CDC42BPA: variants seen among roughly 807,000 people sequenced by gnomAD.
CDC42BPA encodes the protein CDC42 binding protein kinase alpha.
Under a neutral mutation model 223.5 loss-of-function variants are expected in CDC42BPA, and 80 were observed. The observed-to-expected ratio is 0.36, with a 90% confidence interval of 0.30 to 0.43. CDC42BPA has a LOEUF of 0.43. Ranked by LOEUF, CDC42BPA falls within the 20% of genes least tolerant of loss-of-function variation. The probability of loss-of-function intolerance (pLI) is 1.00; values close to 1 mark genes in which losing one functional copy is unlikely to be tolerated. For synonymous variants in CDC42BPA, 694 were observed against 718.6 expected, an observed-to-expected ratio of 0.97 and a Z score of 0.55; for missense variants, 1,743 against 2,099.9, an observed-to-expected ratio of 0.83 and a Z score of 3.32.
chr1:227,042,115 G>C (rs1034843560), intron 23 of CDC42BPA, among the ~76,000 whole-genome samples: 1 of 152,016 alleles, frequency 6.6e-6, no homozygotes, highest in African/African-American at 2.4e-5. Context: ...TTACTGGTTA[G>C]TCCTAGAGGC....
Position 226,994,721 on chromosome 1 carries a change from G to A in CDC42BPA, c.5133+102C>T, listed in dbSNP as rs575613020. 11 of 1,254,926 alleles carry A rather than the reference G, an allele frequency of 8.8e-6. No individual in the cohort carries two copies. The African/African-American group carries it at 1.3e-4, about 15-fold the overall frequency. 77.7% of individuals were successfully genotyped at this position (1,254,926 alleles called of 1,614,324 possible). On this transcript the variant is annotated intron_variant, in intron 36 of 36. Transcript: ENST00000366766. This position sits in a 1 kb window ranked among gnomAD's most constrained non-coding sequence, Gnocchi z 4.0. ...AGAGTGAATGCTGGCCCCTGACCCC[G>A]AACCCTGCTGCAGCTGAGGCCAATC...
At chr1:227,296,085 G>A (rs562159729) in intron 1 of CDC42BPA, among the ~76,000 whole-genome samples, 15 of 152,212 alleles carry the variant, frequency 9.9e-5, no homozygotes, top group Admixed American at 3.3e-4. Context: ...ACAGTTTAGA[G>A]GACTTACCCT....
At chr1:227,059,499 T>A (rs1675353038) in intron 21 of CDC42BPA, 2 of 1,173,362 alleles carry the variant, frequency 1.7e-6, no homozygotes, top group Non-Finnish European at 2.5e-6. Context: ...ACAGACAAAG[T>A]ATATAAACAT....
chr1:227,088,765 G>A (rs892893924), intron 16 of CDC42BPA, among the ~76,000 whole-genome samples: 6 of 152,016 alleles, frequency 3.9e-5, no homozygotes, highest in East Asian at 1.9e-4. Context: ...TCGCTCTGTC[G>A]CTCAGTCTGG....
rs1172008230 is a variant in CDC42BPA, at chr1:227,047,775, T to C, written c.3093+152A>G. The C allele has an allele frequency of 5.7e-6, 3 of 526,662 alleles. No homozygotes were observed. In the African/African-American group the frequency reaches 5.8e-5, roughly 10 times the overall value. 32.6% of individuals were successfully genotyped at this position (526,662 alleles called of 1,614,324 possible). ...TGTACGCTCTCCCTACCTTTCCTAT[T>C]GGTGATTATTTGCATTCACACATAA... On this transcript the variant is annotated intron_variant, in intron 23 of 36. Coordinates refer to ENST00000366766, the MANE Select transcript of CDC42BPA (RefSeq NM_001394014.1).
intron 34 of CDC42BPA, among the ~76,000 whole-genome samples, chr1:227,006,365 G>A (rs1483951196): frequency 6.6e-6 from 1 of 152,178 alleles, no homozygotes; most frequent in Middle Eastern, 3.2e-3. Context: ...GTGAGCACAG[G>A]CTATGGAGGG....
intron 2 of CDC42BPA, among the ~76,000 whole-genome samples, chr1:227,253,619 C>A (rs199759131): frequency 4.0e-4 from 43 of 108,172 alleles, no homozygotes; most frequent in Admixed American, 1.4e-3. Context: ...TACATACATA[C>A]ATACATACAT....
intron 15 of CDC42BPA, among the ~76,000 whole-genome samples, chr1:227,095,901 T>G (rs937853045): frequency 3.9e-5 from 6 of 152,142 alleles, no homozygotes; most frequent in African/African-American, 1.4e-4. Context: ...AAGGAATAAG[T>G]TTTTGAAGAC....
chr1:227,091,902 G>A lies in CDC42BPA; in HGVS notation c.2339C>T (p.Thr780Met), dbSNP rs56119119. Residue 780 changes from threonine to methionine, a missense_variant, in exon 16 of 37, where the codon ACG (threonine) becomes ATG (methionine). Thr to Met is a moderately conservative substitution (Grantham distance 81). Coordinates refer to ENST00000366766, the MANE Select transcript of CDC42BPA (RefSeq NM_001394014.1). ...ATCACTCACCTTATCAAGTTCACTC[G>A]TCAGCTTTTTATTTTCTTCAGTTAA... ...VLLTEENKKL[T>M]SELDKLTTLY... 570 of 1,594,970 alleles carry A rather than the reference G, an allele frequency of 3.6e-4. 1 individual carries two copies. Among genetic ancestry groups the A allele is most frequent in the Non-Finnish European group, 4.3e-4 (497 of 1,167,238 alleles).
intron 1 of CDC42BPA, chr1:227,264,919 A>AC: frequency 7.7e-7 from 1 of 1,296,058 alleles, no homozygotes; most frequent in South Asian, 1.2e-5. Flanking sequence ...CCAGCTCAAT[A>AC]CCCCACTCGG....
intron 2 of CDC42BPA, among the ~76,000 whole-genome samples, chr1:227,240,729 A>C (rs1679872661): frequency 6.6e-6 from 1 of 151,986 alleles, no homozygotes; most frequent in South Asian, 2.1e-4. Flanking sequence ...ATATCACATC[A>C]GACATGAATT....
At chr1:227,128,038 A>G (rs1656204580) in intron 11 of CDC42BPA, among the ~76,000 whole-genome samples, 1 of 152,172 alleles carries the variant, frequency 6.6e-6, no homozygotes, top group African/African-American at 2.4e-5. Flanking sequence ...AGTAAAAACC[A>G]AAGACCTTAC....
At chr1:227,310,165 G>A (rs979270722) in intron 1 of CDC42BPA, among the ~76,000 whole-genome samples, 59 of 152,030 alleles carry the variant, frequency 3.9e-4, no homozygotes, top group African/African-American at 1.4e-3. Context: ...TCCTCCAGAC[G>A]CTCTGAAAAA....
intron 5 of CDC42BPA, among the ~76,000 whole-genome samples, chr1:227,176,944 T>A (rs1228095272): frequency 6.6e-6 from 1 of 151,904 alleles, no homozygotes; most frequent in East Asian, 1.9e-4. Flanking sequence ...TTCTCTCCCC[T>A]CTAATCCACT....
chr1:227,251,950 A>C (rs1682087149), intron 2 of CDC42BPA, among the ~76,000 whole-genome samples: 1 of 152,098 alleles, frequency 6.6e-6, no homozygotes, highest in Non-Finnish European at 1.5e-5. Flanking sequence ...AAATTCATAG[A>C]TCAAAAACAA....
At chr1:227,018,648 T>A (rs2095016) in intron 32 of CDC42BPA, among the ~76,000 whole-genome samples, 37,938 of 151,372 alleles carry the variant, frequency 0.25, 4,770 homozygotes, top group African/African-American at 0.3. Context: ...ATATGTGGAG[T>A]TCCTCTAAGA....
At chr1:227,081,475 A>G (rs191457509) in intron 16 of CDC42BPA, among the ~76,000 whole-genome samples, 4 of 149,508 alleles carry the variant, frequency 2.7e-5, no homozygotes, top group Admixed American at 2.7e-4. Flanking sequence ...TTTTTCAGAC[A>G]GAGTTTTGCA....
At chr1:227,075,876 G>A (rs1004137737) in intron 17 of CDC42BPA, among the ~76,000 whole-genome samples, 5 of 152,172 alleles carry the variant, frequency 3.3e-5, no homozygotes, top group African/African-American at 1.2e-4. Context: ...AAGAAACTGT[G>A]AAGTCCAATG....
chr1:227,258,463 T>C (rs932004561), intron 1 of CDC42BPA, among the ~76,000 whole-genome samples: 9 of 150,922 alleles, frequency 6.0e-5, no homozygotes, highest in Non-Finnish European at 1.3e-4. Context: ...ATTAAGTGTC[T>C]ATACAGGGGT....
Sources: gnomAD v4.1 joint callset for allele counts (sites outside exome capture counted in the v4.1 genomes callset) on GRCh38, gnomAD v4.1.1 for gene constraint, Gnocchi (gnomAD v3.1) non-coding constraint, MANE v1.5 for transcripts, NCBI Gene and HGNC (gene_info 2026-07-23, HGNC 2026-07-21) for gene names.